LINGO3: variants seen among roughly 807,000 people sequenced by gnomAD.
LINGO3 encodes the protein leucine-rich repeat and immunoglobulin-like domain-containing nogo receptor-interacting protein 3.
For synonymous variants in LINGO3, 427 were observed against 444.2 expected (o/e 0.96, Z 0.49); for missense variants, 750 against 867.7 (o/e 0.86, Z 1.70).
At chr19:2,297,091 C>CA in the LINGO3 span, among the ~76,000 whole-genome samples, 11 of 148,012 alleles carry the variant, frequency 7.4e-5, no homozygotes, top group South Asian at 4.3e-4. Context: ...GACTCCGTCT[C>CA]AAAAAAAAAT....
At chr19:2,296,884 C>T (rs370454747), upstream of LINGO3, among the ~76,000 whole-genome samples, 11 of 151,388 alleles carry the variant, frequency 7.3e-5, no homozygotes, top group East Asian at 2.0e-4. Context: ...GTCAGGAGAT[C>T]GAGACCATCC....
chr19:2,291,903 C>A, exon 1 of LINGO3: 2 of 796,848 alleles, frequency 2.5e-6, no homozygotes, highest in Non-Finnish European at 4.1e-6. Flanking sequence ...CGCCCCTAAC[C>A]CGTCCCAGCA....
chr19:2,288,325 A>G (rs1383441628), downstream of LINGO3, among the ~76,000 whole-genome samples: 2 of 152,020 alleles, frequency 1.3e-5, no homozygotes, highest in Non-Finnish European at 2.9e-5. This position sits in a 1 kb window ranked among gnomAD's most constrained non-coding sequence, Gnocchi z 6.5. Context: ...TTGTCACTAC[A>G]CTGCACCGCA....
At chr19:2,291,400 T>A (rs780451895) in exon 1 of LINGO3, 14 of 1,613,414 alleles carry the variant, frequency 8.7e-6, no homozygotes, top group Non-Finnish European at 1.2e-5. Context: ...CGTGAGGTTG[T>A]CCAGGCGCGT....
At chr19:2,292,188 C>A (rs1324887433), upstream of LINGO3, among the ~76,000 whole-genome samples, 2 of 89,872 alleles carry the variant, frequency 2.2e-5, no homozygotes, top group Admixed American at 1.3e-4. Flanking sequence ...ACCCCTGTCT[C>A]TTAAAAAAAA....
downstream of LINGO3, among the ~76,000 whole-genome samples, chr19:2,289,453 A>G (rs774037202): frequency 6.6e-6 from 1 of 151,412 alleles, no homozygotes; most frequent in Non-Finnish European, 1.5e-5. Flanking sequence ...TCCAGGTGTG[A>G]GTGTGTCTCT....
chr19:2,289,383 C>T (rs1312431601), downstream of LINGO3, among the ~76,000 whole-genome samples: 1 of 151,872 alleles, frequency 6.6e-6, no homozygotes, highest in Non-Finnish European at 1.5e-5. Context: ...AGCTCTGGTG[C>T]CCCGGGTCTG....
upstream of LINGO3, among the ~76,000 whole-genome samples, chr19:2,294,695 C>A (rs2025557709): frequency 5.9e-5 from 9 of 152,188 alleles, 1 homozygote; most frequent in South Asian, 1.9e-3. The surrounding 1 kb of genome is among the most constrained non-coding windows in gnomAD (Gnocchi z 4.3). Context: ...GGCGCCAATG[C>A]TCCGTGGGTC....
At chr19:2,300,861 C>T in the LINGO3 span, among the ~76,000 whole-genome samples, 7 of 152,334 alleles carry the variant, frequency 4.6e-5, no homozygotes, top group Non-Finnish European at 5.9e-5. Flanking sequence ...CCCTGCAAAC[C>T]GCGGTCTCCC....
chr19:2,289,732 T>G, downstream of LINGO3: 6 of 262,402 alleles, frequency 2.3e-5, no homozygotes, highest in East Asian at 1.8e-4. Context: ...CCCCCATCCT[T>G]GCAGCCCGCA....
chr19:2,296,839 A>T (rs180966630), upstream of LINGO3, among the ~76,000 whole-genome samples: 4,857 of 150,358 alleles, frequency 0.032, 273 homozygotes, highest in African/African-American at 0.11. Flanking sequence ...CTGTAATCCC[A>T]GCACTTTGGG....
At chr19:2,296,924 TAA>T (rs932802927), upstream of LINGO3, among the ~76,000 whole-genome samples, 3 of 151,440 alleles carry the variant, frequency 2.0e-5, no homozygotes, top group African/African-American at 7.3e-5. Context: ...CCGTCTCTAC[TAA>T]AAAAACATAC....
the LINGO3 span, among the ~76,000 whole-genome samples, chr19:2,298,334 G>A: frequency 1.5e-4 from 23 of 151,940 alleles, no homozygotes; most frequent in Admixed American, 1.4e-3. Context: ...CAGCTCAAGC[G>A]ATCCTCCCAC....
At chr19:2,291,922 C>T (rs754877454) in exon 1 of LINGO3, 5 of 698,962 alleles carry the variant, frequency 7.2e-6, no homozygotes, top group Admixed American at 4.2e-5. Flanking sequence ...CACGGCGGCT[C>T]GCTCCTGTAA....
exon 1 of LINGO3, chr19:2,291,244 T>A: frequency 3.7e-6 from 6 of 1,611,874 alleles, no homozygotes; most frequent in Non-Finnish European, 5.1e-6. Context: ...CAGGGTCAGC[T>A]CCTCCAGGGC....
the LINGO3 span, among the ~76,000 whole-genome samples, chr19:2,297,304 C>CTTT: frequency 2.6e-5 from 3 of 116,814 alleles, no homozygotes; most frequent in Non-Finnish European, 5.2e-5. Context: ...CCCTCCCCCC[C>CTTT]TTTTTTTTTT....
At chr19:2,297,932 C>T in the LINGO3 span, among the ~76,000 whole-genome samples, 1 of 151,904 alleles carries the variant, frequency 6.6e-6, no homozygotes, top group African/African-American at 2.4e-5. Context: ...AGGTCTTGCT[C>T]TGTCGCCCAG....
chr19:2,293,209 T>C (rs974539218), upstream of LINGO3, among the ~76,000 whole-genome samples: 15 of 151,220 alleles, frequency 9.9e-5, no homozygotes, highest in South Asian at 2.1e-4. Context: ...GGGCTACAGG[T>C]GCCAGCCACC....
At position 2,290,965 on chromosome 19, in the gene LINGO3, T is replaced by C. The variant is rs755627716; in HGVS notation, c.812A>G (p.His271Arg). The change falls in exon 1 of 1, where the codon CAC (histidine) becomes CGC (arginine). Residue 271 changes from histidine (H) to arginine (R), a missense_variant. Physicochemically the swap from His to Arg is conservative, Grantham distance 29. Transcript: ENST00000585527. The surrounding 1 kb of genome is among the most constrained non-coding windows in gnomAD (Gnocchi z 6.0). ...GTGCGACAGATTGAGGCAGGTGAGG[T>C]GCGCCTGGTGCCGCAGCGCGGCGGC... The C allele has an allele frequency of 2.4e-5, 38 of 1,611,640 alleles. No individual in the cohort carries two copies. Among genetic ancestry groups the C allele is most frequent in the Non-Finnish European group, 3.1e-5 (37 of 1,179,460 alleles).
Sources: gnomAD v4.1 joint callset for allele counts (sites outside exome capture counted in the v4.1 genomes callset) on GRCh38, gnomAD v4.1.1 for gene constraint, Gnocchi (gnomAD v3.1) non-coding constraint, MANE v1.5 for transcripts, NCBI Gene and HGNC (gene_info 2026-07-23, HGNC 2026-07-21) for gene names.